TASP1: variants seen among roughly 807,000 people sequenced by gnomAD.
The protein encoded by TASP1 is threonine aspartase 1.
A neutral mutation model predicts 56.6 loss-of-function variants in TASP1; 16 were observed. The ratio of observed to expected loss-of-function variants is 0.28; its 90% CI spans 0.19 to 0.43. The LOEUF (loss-of-function observed/expected upper bound fraction) is 0.43. TASP1 is among the 20% of genes least tolerant of loss of function. The pLI is 1.00. For synonymous variants in TASP1, 179 were observed against 184.2 expected, an observed-to-expected ratio of 0.97 and a Z score of 0.23; for missense variants, 393 against 511.6, an observed-to-expected ratio of 0.77 and a Z score of 2.24.
the TASP1 span, among the ~76,000 whole-genome samples, chr20:13,293,559 C>G: frequency 6.6e-6 from 1 of 151,702 alleles, no homozygotes; most frequent in African/African-American, 2.4e-5. Context: ...CAAAAATGTT[C>G]CTCAAATGCC....
chr20:13,221,717 G>A, the TASP1 span: 125 of 1,320,388 alleles, frequency 9.5e-5, 2 homozygotes, highest in South Asian at 1.7e-3. Context: ...TCCTCCCCCG[G>A]CGTCACCGCC....
At chr20:13,299,646 C>T in the TASP1 span, 23 of 570,780 alleles carry the variant, frequency 4.0e-5, no homozygotes, top group East Asian at 6.6e-4. This position sits in a 1 kb window ranked among gnomAD's most constrained non-coding sequence, Gnocchi z 5.8. Context: ...TGTGAAGCCG[C>T]CCTCGCCATC....
intron 5 of TASP1, among the ~76,000 whole-genome samples, chr20:13,581,913 A>C (rs1002666106): frequency 6.6e-6 from 1 of 152,176 alleles, no homozygotes; most frequent in Non-Finnish European, 1.5e-5. Context: ...CACAGCGCTG[A>C]GTTTTAACAT....
chr20:13,580,900 G>C lies in TASP1; in HGVS notation c.485C>G (p.Pro162Arg). The part of the protein sequence containing the change: ...KGKLSAGRIP[P>R]CFLVGEGAYR... ...TCAGGAAGAACAAAGTGGTTACCAG[G>C]GAGGAATTCTGCCAGCCGAGAGCTT... Residue 162 changes from proline (P) to arginine (R), a missense_variant, in exon 6 of 14, where the codon CCC becomes CGC. Coordinates refer to ENST00000337743, the MANE Select transcript of TASP1 (RefSeq NM_017714.3). The C allele has an allele frequency of 1.2e-6, 2 of 1,613,326 alleles. No individual in the cohort carries two copies. Among genetic ancestry groups the C allele is most frequent in the South Asian group, 2.2e-5 (2 of 91,020 alleles).
chr20:13,175,937 A>T, the TASP1 span, among the ~76,000 whole-genome samples: 1 of 152,226 alleles, frequency 6.6e-6, no homozygotes, highest in Admixed American at 6.6e-5. Flanking sequence ...TGTGTTAATG[A>T]TTAAAGATAT....
chr20:13,393,792 T>C, intron 13 of TASP1: 1 of 583,136 alleles, frequency 1.7e-6, no homozygotes, highest in East Asian at 3.0e-5. Flanking sequence ...CTCCTCACAA[T>C]GTCCATGCAG....
chr20:13,264,839 A>G, the TASP1 span, among the ~76,000 whole-genome samples: 2 of 152,176 alleles, frequency 1.3e-5, no homozygotes, highest in East Asian at 3.9e-4. Flanking sequence ...TTCTTGATTC[A>G]TCTCAGCAGA....
At chr20:13,136,373 G>T in the TASP1 span, among the ~76,000 whole-genome samples, 1 of 151,982 alleles carries the variant, frequency 6.6e-6, no homozygotes, top group Non-Finnish European at 1.5e-5. Context: ...AAGGCAGGTG[G>T]ATCACCCGAG....
the TASP1 span, chr20:13,288,636 C>G: frequency 6.2e-7 from 1 of 1,613,996 alleles, no homozygotes; most frequent in Non-Finnish European, 8.5e-7. Context: ...TGTGGCTACG[C>G]GTGCACTGCA....
intron 4 of TASP1, among the ~76,000 whole-genome samples, chr20:13,590,496 C>G (rs2047482358): frequency 1.3e-5 from 2 of 152,146 alleles, no homozygotes; most frequent in South Asian, 4.1e-4. Context: ...CAATGTTAAA[C>G]TCGATCATAT....
chr20:13,243,456 G>A, the TASP1 span, among the ~76,000 whole-genome samples: 1 of 152,176 alleles, frequency 6.6e-6, no homozygotes, highest in Non-Finnish European at 1.5e-5. Context: ...TAGAAAGCTA[G>A]CCCTCTCTGC....
chr20:13,571,753 T>G (rs977697754), intron 6 of TASP1, among the ~76,000 whole-genome samples: 1 of 152,192 alleles, frequency 6.6e-6, no homozygotes, highest in African/African-American at 2.4e-5. Context: ...TTTTTAAAAA[T>G]CTACAAGCTC....
At chr20:13,394,793 A>G (rs2041460686) in intron 13 of TASP1, among the ~76,000 whole-genome samples, 1 of 152,160 alleles carries the variant, frequency 6.6e-6, no homozygotes, top group African/African-American at 2.4e-5. Flanking sequence ...TAATTCCCTA[A>G]GAAGCACAGA....
the TASP1 span, among the ~76,000 whole-genome samples, chr20:13,120,726 G>T: frequency 1.3e-5 from 2 of 152,184 alleles, no homozygotes; most frequent in Non-Finnish European, 1.5e-5. Context: ...GGAAACAGAG[G>T]TTTTGTTTTT....
At chr20:13,591,697 T>C (rs111495290) in intron 4 of TASP1, among the ~76,000 whole-genome samples, 10 of 152,296 alleles carry the variant, frequency 6.6e-5, no homozygotes, top group African/African-American at 2.4e-4. Context: ...TTTTATCTCA[T>C]TTTCAAAGTG....
At chr20:13,560,208 T>C (rs1282320204) in intron 7 of TASP1, among the ~76,000 whole-genome samples, 9 of 152,222 alleles carry the variant, frequency 5.9e-5, no homozygotes. Context: ...TTTCTGATAA[T>C]GGCAGACTAA....
chr20:13,155,762 C>T, the TASP1 span, among the ~76,000 whole-genome samples: 2 of 151,972 alleles, frequency 1.3e-5, no homozygotes, highest in African/African-American at 4.8e-5. Flanking sequence ...GGAGGTGGAG[C>T]TTGCAGTGAG....
At chr20:13,256,644 G>T in the TASP1 span, among the ~76,000 whole-genome samples, 1 of 152,096 alleles carries the variant, frequency 6.6e-6, no homozygotes, top group Non-Finnish European at 1.5e-5. Context: ...TGGCAATGGT[G>T]GTGTTGGTCC....
At chr20:13,370,762 T>G in the TASP1 span, among the ~76,000 whole-genome samples, 1 of 152,112 alleles carries the variant, frequency 6.6e-6, no homozygotes, top group Non-Finnish European at 1.5e-5. Flanking sequence ...GAAGAGGAGA[T>G]TAGGACAGAA....
Sources: allele counts gnomAD v4.1 joint callset (sites outside exome capture counted in the v4.1 genomes callset), GRCh38; gene constraint gnomAD v4.1.1; non-coding constraint Gnocchi (gnomAD v3.1); transcripts MANE v1.5; gene names NCBI Gene and HGNC (gene_info 2026-07-23, HGNC 2026-07-21).